Variants in USP33 observed in about 807,000 individuals in gnomAD.
USP33 encodes the protein ubiquitin specific peptidase 33.
Under a neutral mutation model 124.2 loss-of-function variants are expected in USP33, and 46 were observed. That is an observed-to-expected ratio of 0.37 (90% CI 0.29 to 0.47). USP33 has a LOEUF of 0.47. Among genes scored for constraint, USP33 ranks in the 20% least tolerant of loss-of-function variants. The pLI is 0.99. For synonymous variants in USP33, 350 were observed against 352.3 expected, an observed-to-expected ratio of 0.99 and a Z score of 0.07; for missense variants, 851 against 1,070.6, an observed-to-expected ratio of 0.79 and a Z score of 2.86.
intron 11 of USP33, 120 bp downstream of exon 11, chr1:77,725,502 T>C: frequency 2.9e-6 from 4 of 1,361,148 alleles, no homozygotes; most frequent in Non-Finnish European, 4.0e-6. Flanking sequence ...AAAATTATGC[T>C]ATCAATTTTA....
intron 21 of USP33, among the ~76,000 whole-genome samples, chr1:77,704,002 AT>A (rs1674333657): frequency 6.6e-6 from 1 of 152,066 alleles, no homozygotes; most frequent in African/African-American, 2.4e-5. Context: ...AGTCTCAGCT[AT>A]TCATCAGGAG....
chr1:77,718,419 T>TA (rs1676165693), intron 16 of USP33, among the ~76,000 whole-genome samples, 177 bp downstream of exon 16: 1 of 152,210 alleles, frequency 6.6e-6, no homozygotes, highest in Non-Finnish European at 1.5e-5. Context: ...AGCACATTGT[T>TA]AAAGGGCACT....
intron 21 of USP33, among the ~76,000 whole-genome samples, chr1:77,709,509 T>C (rs1674996482): frequency 6.6e-6 from 1 of 151,628 alleles, no homozygotes; most frequent in African/African-American, 2.4e-5. Flanking sequence ...TGAGACCCTG[T>C]CTTTTAAAAT....
At chr1:77,750,624 A>AAAAGAAACAAACAAAG (rs1469933007) in intron 1 of USP33, among the ~76,000 whole-genome samples, 2 of 123,290 alleles carry the variant, frequency 1.6e-5, no homozygotes, top group African/African-American at 6.4e-5. Context: ...CCTGACTTAA[A>AAAAGAAACAAACAAAG]AAAGAAAGAA....
chr1:77,753,944 C>T (rs1004495523), intron 1 of USP33, among the ~76,000 whole-genome samples: 1 of 152,052 alleles, frequency 6.6e-6, no homozygotes, highest in Admixed American at 6.6e-5. Flanking sequence ...GATGTTTAAA[C>T]AGCAGAAGGC....
chr1:77,722,397 T>G, intron 12 of USP33: 1 of 521,210 alleles, frequency 1.9e-6, no homozygotes, highest in South Asian at 2.3e-5. Flanking sequence ...ACACACTTGC[T>G]CTGTACCAGG....
rs753008400 is a variant in USP33, at chr1:77,723,328, C to T, written c.1389+3G>A. Reference sequence around the variant, plus strand: ...CTGTGTATTCTAATACCCTCATACTCACCCTGTCACAAGTCAGACACTGCA... The same window carrying T: ...CTGTGTATTCTAATACCCTCATACTTACCCTGTCACAAGTCAGACACTGCA... On this transcript the variant is annotated splice_donor_region_variant and intron_variant, in intron 12 of 23. Transcript: ENST00000370794. The T allele has an allele frequency of 8.8e-6, 14 of 1,591,368 alleles. No homozygotes were observed. The highest frequency in any genetic ancestry group is 1.1e-5 in the Non-Finnish European group (13 of 1,161,322).
intron 1 of USP33, among the ~76,000 whole-genome samples, chr1:77,744,300 T>C (rs1023613702): frequency 1.3e-5 from 2 of 151,924 alleles, no homozygotes; most frequent in African/African-American, 4.8e-5. Flanking sequence ...AAGAAGGAAA[T>C]TCTGACCCAC....
chr1:77,734,273 A>G, intron 7 of USP33, 74 bp downstream of exon 7: 3 of 1,149,160 alleles, frequency 2.6e-6, no homozygotes, highest in Non-Finnish European at 3.7e-6. Flanking sequence ...CAACTACTAT[A>G]GTTGCAAGGT....
chr1:77,728,367 C>A lies in USP33; in HGVS notation c.1063G>T (p.Asp355Tyr). 6.2e-7 allele frequency: 1 copy of A among 1,613,838 alleles called. No individual in the cohort carries two copies. Among genetic ancestry groups the A allele is most frequent in the Non-Finnish European group, 8.5e-7 (1 of 1,179,960 alleles). The change falls in exon 10 of 24, where the codon GAC becomes TAC. Residue 355 changes from aspartate to tyrosine, a missense_variant. Asp to Tyr is a radical substitution (Grantham distance 160). Around this residue, in one of 4 missense-constraint regions of USP33, gnomAD observed 207 missense variants for 200.9 expected, o/e 1.03. Transcript: ENST00000370794. The stretch of plus-strand genomic sequence containing the variant: ...AAGTCGACTGTTTCAGATATAGAGT[C>A]TCTATCTTTATCAAATTCGCCTTCA... ...NSEGEFDKDR[D>Y]SISETVDLNN...
intron 15 of USP33, chr1:77,720,663 C>T: frequency 1.0e-6 from 1 of 965,356 alleles, no homozygotes; most frequent in Non-Finnish European, 1.2e-6. Flanking sequence ...TCTTCCAACA[C>T]TTTTTTCTGA....
At position 77,722,323 on chromosome 1, in the gene USP33, A is replaced by C. The variant is rs1037871276; in HGVS notation, c.1390-127T>G. The C allele has an allele frequency of 2.8e-5, 27 of 956,444 alleles. 1 individual carries two copies. The East Asian group carries it at 4.8e-4, about 17-fold the overall frequency. The allele number at this position is 956,444 out of a possible 1,614,324, so 59.2% of individuals were successfully genotyped here. A position where few individuals can be genotyped will look rare whatever the true frequency, so the allele number is the denominator to read the frequency against. On this transcript the variant is annotated intron_variant, in intron 12 of 23. Transcript: ENST00000370794. ...CAAAAAAAACAAAAAACAAAAAAAA[A>C]CACGCAAATTGAACTGCTTTCATAG...
intron 1 of USP33, among the ~76,000 whole-genome samples, chr1:77,751,143 C>A (rs184496354): frequency 3.2e-4 from 49 of 152,294 alleles, no homozygotes; most frequent in Admixed American, 9.2e-4. Flanking sequence ...ACAAAGAGTG[C>A]ACAAGATTTT....
At chr1:77,735,406 A>T (rs1226938537) in intron 6 of USP33, among the ~76,000 whole-genome samples, 1 of 152,184 alleles carries the variant, frequency 6.6e-6, no homozygotes, top group Non-Finnish European at 1.5e-5. Context: ...CTGAATTACC[A>T]CTTATTGATA....
chr1:77,730,791 G>T, intron 7 of USP33, 60 bp from the exon 8 acceptor site: 3 of 1,143,038 alleles, frequency 2.6e-6, no homozygotes, highest in Non-Finnish European at 3.7e-6. Flanking sequence ...ATTATTTCTA[G>T]TCATTCAATT....
chr1:77,730,696 C>G lies in USP33; in HGVS notation c.560G>C (p.Gly187Ala), dbSNP rs1677705129. The change falls in exon 8 of 24, where the codon GGA (glycine) becomes GCA (alanine). Residue 187 changes from glycine to alanine, a missense_variant. Around this residue, in one of 4 missense-constraint regions of USP33, gnomAD observed 221 missense variants for 302.9 expected, o/e 0.73. Coordinates refer to ENST00000370794, the MANE Select transcript of USP33 (RefSeq NM_201624.3). ...PLTQFFLDCG[G>A]LARTDKKPAI... The stretch of plus-strand genomic sequence containing the variant: ...AGGTTTCTTATCTGTTCGAGCTAGT[C>G]CTCCACAATCAAGAAAAAACTGTGT... The G allele has an allele frequency of 6.3e-7, 1 of 1,584,932 alleles. No individual in the cohort carries two copies. The highest frequency in any genetic ancestry group is 8.6e-7 in the Non-Finnish European group (1 of 1,164,704).
chr1:77,749,846 G>A (rs1176104324), intron 1 of USP33, among the ~76,000 whole-genome samples: 2 of 152,144 alleles, frequency 1.3e-5, no homozygotes, highest in Non-Finnish European at 2.9e-5. Context: ...TCAGAGGAAA[G>A]AAATGGGATC....
At position 77,697,174 on chromosome 1, in the gene USP33, T is replaced by A. The variant is rs1215678785; in HGVS notation, c.*143A>T. 2.7e-6 allele frequency: 2 copies of A among 738,426 alleles called. No homozygotes were observed. Among genetic ancestry groups the A allele is most frequent in the Non-Finnish European group, 4.3e-6 (2 of 467,020 alleles). The allele number at this position is 738,426 out of a possible 1,614,324, so 45.7% of individuals were successfully genotyped here. On this transcript the variant is annotated 3_prime_UTR_variant, in exon 24 of 24. Coordinates refer to ENST00000370794, the MANE Select transcript of USP33 (RefSeq NM_201624.3). ...TTACACATTTTAATATATTCTTCCA[T>A]AATGCCCACTAAGAAGAAATAAATG...
At chr1:77,705,339 C>A (rs573091525) in intron 21 of USP33, among the ~76,000 whole-genome samples, 4 of 151,788 alleles carry the variant, frequency 2.6e-5, no homozygotes. Flanking sequence ...GGATTACAGG[C>A]ACCCGCCACC....
Sources: allele counts gnomAD v4.1 joint callset (sites outside exome capture counted in the v4.1 genomes callset), GRCh38; gene constraint gnomAD v4.1.1; regional missense constraint gnomAD v4.1.1; transcripts MANE v1.5; gene names NCBI Gene and HGNC (gene_info 2026-07-23, HGNC 2026-07-21).